The following COG5 variants were observed in gnomAD, a reference collection of about 807,000 sequenced individuals.
The protein encoded by COG5 is component of oligomeric golgi complex 5, also known as conserved oligomeric Golgi complex subunit 5.
In COG5, 86 loss-of-function variants were observed where a neutral mutation model predicts 110.4. That is an observed-to-expected ratio of 0.78 (90% CI 0.65 to 0.93). COG5 has a LOEUF of 0.93. COG5 is among the 40% of genes least tolerant of loss of function. COG5 has a pLI of 0.00. For missense variants in COG5, 1,077 were observed against 987.0 expected, an observed-to-expected ratio of 1.09 and a Z score of -1.22; for synonymous variants, 360 against 334.6, an observed-to-expected ratio of 1.08 and a Z score of -0.83.
At chr7:107,503,215 T>A (rs564715599) in intron 6 of COG5, among the ~76,000 whole-genome samples, 131 of 152,286 alleles carry the variant, frequency 8.6e-4, no homozygotes, top group African/African-American at 3.1e-3. Flanking sequence ...CTTCTACATG[T>A]GGCTAGCCAG....
At chr7:107,552,630 G>C (rs909588487) in intron 3 of COG5, among the ~76,000 whole-genome samples, 1 of 152,140 alleles carries the variant, frequency 6.6e-6, no homozygotes, top group Non-Finnish European at 1.5e-5. Flanking sequence ...AAAAACAACA[G>C]ATGCTGGTGA....
chr7:107,273,305 T>C (rs943073842), intron 14 of COG5, among the ~76,000 whole-genome samples: 2 of 152,206 alleles, frequency 1.3e-5, no homozygotes, highest in East Asian at 1.9e-4. Flanking sequence ...ATATCTTTAA[T>C]GTGATATGTA....
At chr7:107,446,338 G>A (rs1563039992) in intron 6 of COG5, among the ~76,000 whole-genome samples, 3 of 152,226 alleles carry the variant, frequency 2.0e-5, no homozygotes, top group East Asian at 3.9e-4. Context: ...TAAATAACTT[G>A]CTTAAAATTA....
intron 19 of COG5, among the ~76,000 whole-genome samples, chr7:107,212,486 G>C (rs890282795): frequency 6.6e-6 from 1 of 152,236 alleles, no homozygotes; most frequent in African/African-American, 2.4e-5. Flanking sequence ...ACTTTGCTGA[G>C]AATATTTCAG....
At chr7:107,464,675 T>C (rs1024654906) in intron 6 of COG5, among the ~76,000 whole-genome samples, 1 of 152,166 alleles carries the variant, frequency 6.6e-6, no homozygotes, top group African/African-American at 2.4e-5. Context: ...GCTGTGAAGC[T>C]AGCCTGTTAC....
rs186768893 is a variant in COG5 at position 107,534,651 on chromosome 7, A to G, written c.418-7294T>C. ...TAAATATATATGCACGCAATACAGG[A>G]CCACCCAGATTCATAACCAAGTTCT... On this transcript the variant is annotated intron_variant, in intron 5 of 21. Coordinates refer to ENST00000297135, the MANE Select transcript of COG5 (RefSeq NM_006348.5). Among the ~76,000 whole-genome samples, 699 of 151,680 alleles carry G rather than the reference A, an allele frequency of 4.6e-3. 39 individuals carry two copies. The highest frequency in any genetic ancestry group is 0.016 in the African/African-American group (662 of 40,974).
chr7:107,541,525 T>TATATATATAC (rs1802027006), intron 5 of COG5, among the ~76,000 whole-genome samples: 1 of 70,314 alleles, frequency 1.4e-5, no homozygotes, highest in Non-Finnish European at 2.8e-5. Flanking sequence ...AAAAAAAAAA[T>TATATATATAC]ATATATATAT....
intron 6 of COG5, among the ~76,000 whole-genome samples, chr7:107,504,822 G>GT (rs1257149643): frequency 6.6e-6 from 1 of 152,038 alleles, no homozygotes; most frequent in Non-Finnish European, 1.5e-5. Flanking sequence ...GATCTATTGC[G>GT]TTCTGTGGCA....
intron 6 of COG5, among the ~76,000 whole-genome samples, chr7:107,512,890 A>C (rs1799633448): frequency 6.6e-6 from 1 of 151,848 alleles, no homozygotes; most frequent in Non-Finnish European, 1.5e-5. Context: ...TTATACAAAA[A>C]TTAATTCAAG....
chr7:107,508,241 C>A (rs6952011), intron 6 of COG5, among the ~76,000 whole-genome samples: 2,465 of 152,366 alleles, frequency 0.016, 72 homozygotes, highest in African/African-American at 0.054. Flanking sequence ...TATCCCGCAC[C>A]TGGCTCGGAG....
intron 17 of COG5, among the ~76,000 whole-genome samples, chr7:107,246,180 G>A (rs931393692): frequency 6.6e-6 from 1 of 152,128 alleles, no homozygotes; most frequent in Non-Finnish European, 1.5e-5. Context: ...GATTGAAACT[G>A]GACCCCTTCC....
At chr7:107,252,182 G>C (rs1802567780) in intron 16 of COG5, among the ~76,000 whole-genome samples, 1 of 152,074 alleles carries the variant, frequency 6.6e-6, no homozygotes, top group African/African-American at 2.4e-5. Flanking sequence ...AATCGTGCCA[G>C]TGAATAGCCA....
In COG5 at chr7:107,291,470, T is replaced by C. The variant is rs144379630; in HGVS notation, c.1313+6672A>G. On this transcript the variant is annotated intron_variant, in intron 12 of 21. Transcript: ENST00000297135. The stretch of plus-strand genomic sequence containing the variant: ...TGTTGTTTGCTTTTTATCTGTTTAG[T>C]GATTGGCTGGATTATTTTAATGAAG... 9.2e-5 allele frequency among the ~76,000 whole-genome samples: 14 copies of C among 152,316 alleles called. No individual in the cohort carries two copies. In the East Asian group the frequency reaches 2.7e-3, roughly 29 times the overall value.
intron 14 of COG5, among the ~76,000 whole-genome samples, chr7:107,275,960 G>A (rs1804673858): frequency 6.6e-6 from 1 of 151,872 alleles, no homozygotes; most frequent in South Asian, 2.1e-4. Context: ...ATTATATAAA[G>A]AATAAAGTGT....
rs563172459 is a variant in COG5 at position 107,307,425 on chromosome 7, T to C, written c.1109-9079A>G. The stretch of plus-strand genomic sequence containing the variant: ...ACACTGTTTTTATAGGTTTCAAACA[T>C]ATAATGTAGAGAGAATAGTATAATG... On this transcript the variant is annotated intron_variant, in intron 11 of 21. Transcript: ENST00000297135. Among the ~76,000 whole-genome samples, 3 of 152,326 alleles carry C rather than the reference T, an allele frequency of 2.0e-5. No individual in the cohort carries two copies. In the East Asian group the frequency reaches 5.8e-4, roughly 29 times the overall value.
intron 13 of COG5, among the ~76,000 whole-genome samples, chr7:107,283,098 T>C (rs1252448377): frequency 6.6e-6 from 1 of 152,196 alleles, no homozygotes; most frequent in East Asian, 1.9e-4. Context: ...CTTCCCTTTT[T>C]AGTCTTAAAA....
intron 18 of COG5, among the ~76,000 whole-genome samples, chr7:107,235,309 C>T (rs1220776219): frequency 6.6e-6 from 1 of 152,212 alleles, no homozygotes; most frequent in African/African-American, 2.4e-5. Context: ...TTGACATTAA[C>T]ATTTATCTTT....
At chr7:107,244,957 C>T (rs1298592214) in intron 17 of COG5, among the ~76,000 whole-genome samples, 2 of 152,056 alleles carry the variant, frequency 1.3e-5, no homozygotes, top group Non-Finnish European at 2.9e-5. Flanking sequence ...TCTATGAGGC[C>T]AGCATCATCT....
At chr7:107,332,410 A>G (rs1399591872) in intron 10 of COG5, among the ~76,000 whole-genome samples, 2 of 152,172 alleles carry the variant, frequency 1.3e-5, no homozygotes, top group African/African-American at 4.8e-5. Flanking sequence ...CTGAAACTGG[A>G]TGGCAGGTAC....
Sources: allele counts gnomAD v4.1 joint callset (sites outside exome capture counted in the v4.1 genomes callset), GRCh38; gene constraint gnomAD v4.1.1; transcripts MANE v1.5; gene names NCBI Gene and HGNC (gene_info 2026-07-23, HGNC 2026-07-21).